Variants in PRH1 observed in about 807,000 individuals in gnomAD.
PRH1 encodes proline rich protein HaeIII subfamily 1.
Under a neutral mutation model 7.9 loss-of-function variants are expected in PRH1, and 7 were observed. The ratio of observed to expected loss-of-function variants is 0.89; its 90% confidence interval spans 0.50 to 1.67. PRH1 has a LOEUF of 1.67. Ranked by LOEUF, PRH1 falls within the 40% of genes most tolerant of loss-of-function variation. The probability of loss-of-function intolerance (pLI) is 0.00; values close to 1 mark genes in which losing one functional copy is unlikely to be tolerated. For synonymous variants in PRH1, 45 were observed against 80.8 expected (o/e 0.56, Z 2.38); for missense variants, 109 against 223.6 (o/e 0.49, Z 3.27).
At position 11,096,781 on chromosome 12, in the gene PRH1, G is replaced by A. The variant is rs541298524; in HGVS notation, n.124-49593C>T. On this transcript the variant is annotated intron_variant and non_coding_transcript_variant, in intron 1 of 4. Coordinates refer to the PRH1 transcript ENST00000541977. Reference sequence around the variant, plus strand: ...CTATTCCATTATTTAAATTTTATGCGGTTTTTGTTTTTTTTGTTGTTGTTG... The same window carrying A: ...CTATTCCATTATTTAAATTTTATGCAGTTTTTGTTTTTTTTGTTGTTGTTG... Among the ~76,000 whole-genome samples the A allele has an allele frequency of 4.4e-5, 5 of 112,710 alleles. 2 individuals carry two copies. Among genetic ancestry groups the A allele is most frequent in the African/African-American group, 8.8e-5 (3 of 33,922 alleles). 73.9% of individuals were successfully genotyped at this position (112,710 alleles called of 152,430 possible).
chr12:10,905,420 A>C (rs1342064907), intron 2 of PRH1, among the ~76,000 whole-genome samples: 3 of 152,048 alleles, frequency 2.0e-5, no homozygotes, highest in Non-Finnish European at 2.9e-5. Flanking sequence ...TAATCCCAGC[A>C]CTTTGGGAGG....
chr12:11,171,572 C>G (rs1947847404), upstream of PRH1: 10 of 1,231,808 alleles, frequency 8.1e-6, no homozygotes, highest in Non-Finnish European at 8.1e-6. Flanking sequence ...AGAGCCATGA[C>G]TAAGCTAACG....
intron 1 of PRH1, among the ~76,000 whole-genome samples, chr12:11,075,381 C>CTT (rs201938175): frequency 5.8e-5 from 6 of 104,346 alleles, no homozygotes; most frequent in African/African-American, 1.6e-4. Flanking sequence ...AGTTTGCTAG[C>CTT]TTTTTTTTTT....
At chr12:11,055,921 G>C (rs1273300486) in intron 1 of PRH1, among the ~76,000 whole-genome samples, 1 of 152,204 alleles carries the variant, frequency 6.6e-6, no homozygotes, top group Non-Finnish European at 1.5e-5. Context: ...TTCTTGGGAA[G>C]CCCAGGAAGG....
intron 1 of PRH1, among the ~76,000 whole-genome samples, chr12:11,027,825 A>G (rs1300936024): frequency 6.6e-6 from 1 of 152,198 alleles, no homozygotes; most frequent in Non-Finnish European, 1.5e-5. Flanking sequence ...TTAGTGTAAG[A>G]CCATTCTCTC....
In PRH1 at chr12:11,069,892, C is replaced by T. The variant is rs550938854; in HGVS notation, n.124-22704G>A. The stretch of plus-strand genomic sequence containing the variant: ...CTTGATAACAGATGCTGAAAATTCA[C>T]CACAGAATATTCAGAATGTATTTAT... On this transcript the variant is annotated intron_variant and non_coding_transcript_variant, in intron 1 of 4. Coordinates refer to the PRH1 transcript ENST00000541977. Among the ~76,000 whole-genome samples, 6 of 152,288 alleles carry T rather than the reference C, an allele frequency of 3.9e-5. No individual in the cohort carries two copies. In the South Asian group the frequency reaches 8.3e-4, roughly 21 times the overall value.
At chr12:11,156,366 T>C (rs762486743) in intron 1 of PRH1, among the ~76,000 whole-genome samples, 1 of 152,026 alleles carries the variant, frequency 6.6e-6, no homozygotes, top group Non-Finnish European at 1.5e-5. Flanking sequence ...CTGAGGTTTG[T>C]TGGTTTCTCG....
At chr12:10,926,728 A>G (rs1190530323) in intron 2 of PRH1, among the ~76,000 whole-genome samples, 3 of 152,208 alleles carry the variant, frequency 2.0e-5, no homozygotes, top group Non-Finnish European at 2.9e-5. Context: ...TGAAGGTGGA[A>G]GAAATTAGAT....
At chr12:10,969,055 T>C (rs186732987) in intron 2 of PRH1, among the ~76,000 whole-genome samples, 2 of 152,270 alleles carry the variant, frequency 1.3e-5, no homozygotes, top group East Asian at 1.9e-4. Flanking sequence ...CACAACCGAA[T>C]TGGAGAATGG....
intron 1 of PRH1, among the ~76,000 whole-genome samples, chr12:10,991,183 T>A (rs1939914302): frequency 6.6e-6 from 1 of 152,132 alleles, no homozygotes; most frequent in African/African-American, 2.4e-5. Context: ...AACAGAATGA[T>A]AAAAACATGA....
At chr12:10,997,693 TA>T (rs751526983) in intron 1 of PRH1, 1 of 1,613,728 alleles carries the variant, frequency 6.2e-7, no homozygotes, top group Non-Finnish European at 8.5e-7. Context: ...GTAATAATAT[TA>T]CCCAGAGCAA....
At chr12:11,011,294 A>G (rs7297768) in intron 1 of PRH1, among the ~76,000 whole-genome samples, 46,297 of 151,926 alleles carry the variant, frequency 0.3, 8,926 homozygotes, top group East Asian at 0.74. Context: ...TTCCTTTTAC[A>G]TTCTCTGACC....
intron 2 of PRH1, among the ~76,000 whole-genome samples, chr12:10,897,807 A>C (rs1325986798): frequency 6.6e-6 from 1 of 152,178 alleles, no homozygotes; most frequent in East Asian, 1.9e-4. Context: ...ACTGCCCCCC[A>C]TAATCCAATC....
chr12:10,888,987 T>C (rs573098121), upstream of PRH1, among the ~76,000 whole-genome samples: 1 of 152,356 alleles, frequency 6.6e-6, no homozygotes, highest in East Asian at 1.9e-4. Context: ...TTTTTCCACA[T>C]TTCCTGTCTC....
chr12:11,078,568 G>T, intron 1 of PRH1: 1 of 150,402 alleles, frequency 6.6e-6, no homozygotes, highest in Admixed American at 6.7e-5. Context: ...GTGTTAGTAT[G>T]CAAATAAAGC....
At chr12:11,054,541 T>C (rs949050557) in intron 1 of PRH1, among the ~76,000 whole-genome samples, 3 of 152,160 alleles carry the variant, frequency 2.0e-5, no homozygotes, top group Non-Finnish European at 4.4e-5. Context: ...TCAAAAACTT[T>C]GTACTATCAA....
chr12:10,908,211 A>G (rs1949834036), intron 2 of PRH1: 1 of 529,912 alleles, frequency 1.9e-6, no homozygotes, highest in Non-Finnish European at 3.2e-6. Flanking sequence ...ATAAATACAT[A>G]ATATTCTTAG....
chr12:11,065,460 T>C (rs1161346727), intron 1 of PRH1, among the ~76,000 whole-genome samples: 2 of 85,870 alleles, frequency 2.3e-5, no homozygotes, highest in South Asian at 9.7e-4. Context: ...GTAGCTTCAA[T>C]GTCTCTGACC....
chr12:11,165,144 T>G (rs1947535282), intron 1 of PRH1, among the ~76,000 whole-genome samples: 1 of 152,218 alleles, frequency 6.6e-6, no homozygotes, highest in African/African-American at 2.4e-5. Flanking sequence ...TCTTAAGAAT[T>G]GCTGGGTTTC....
Sources: allele counts gnomAD v4.1 joint callset (sites outside exome capture counted in the v4.1 genomes callset), GRCh38; gene constraint gnomAD v4.1.1; transcripts MANE v1.5; gene names NCBI Gene and HGNC (gene_info 2026-07-23, HGNC 2026-07-21).